The following ANO10 variants were observed in gnomAD, a reference collection of about 807,000 sequenced individuals.
ANO10 encodes anoctamin-10.
Under a neutral mutation model 74.7 loss-of-function variants are expected in ANO10, and 77 were observed. That is an observed-to-expected ratio of 1.03 (90% CI 0.86 to 1.25). The LOEUF (loss-of-function observed/expected upper bound fraction) is 1.25, where lower values mean the gene tolerates loss of function less well. Ranked by LOEUF, ANO10 falls within the 50% of genes most tolerant of loss-of-function variation. The pLI is 0.00. For synonymous variants in ANO10, 279 were observed against 284.9 expected, an observed-to-expected ratio of 0.98 and a Z score of 0.21; for missense variants, 721 against 778.1, an observed-to-expected ratio of 0.93 and a Z score of 0.87.
chr3:43,653,943 C>G (rs1404082975), intron 1 of ANO10, among the ~76,000 whole-genome samples: 1 of 123,562 alleles, frequency 8.1e-6, no homozygotes, highest in Admixed American at 8.2e-5. Context: ...TTTTTTTTTG[C>G]AACTTCTGGA....
At chr3:43,433,652 TA>T (rs1460316867) in intron 11 of ANO10, among the ~76,000 whole-genome samples, 1 of 152,198 alleles carries the variant, frequency 6.6e-6, no homozygotes, top group Non-Finnish European at 1.5e-5. Context: ...ACAAGCATCA[TA>T]AAGAAGTCCT....
At chr3:43,585,938 A>C (rs114162119) in intron 4 of ANO10, among the ~76,000 whole-genome samples, 2 of 152,376 alleles carry the variant, frequency 1.3e-5, no homozygotes, top group African/African-American at 4.8e-5. Flanking sequence ...AACAAGAAAC[A>C]TAAAAAGAAA....
rs936887940 is a variant in ANO10 at position 43,576,604 on chromosome 3, C to G, written c.1162+88G>C. 5.7e-6 allele frequency: 8 copies of G among 1,402,070 alleles called. No homozygotes were observed. In the African/African-American group the frequency reaches 9.9e-5, roughly 17 times the overall value. The allele number at this position is 1,402,070 out of a possible 1,614,324, so 86.9% of individuals were successfully genotyped here. ...GAGCCAAGAGCAACATCTATTTTCTCTGCAAGGTAGCAGCTATGTGAATCC... is the reference window on the plus strand; with the variant it reads ...GAGCCAAGAGCAACATCTATTTTCTGTGCAAGGTAGCAGCTATGTGAATCC... On this transcript the variant is annotated intron_variant, in intron 6 of 12. Transcript: ENST00000292246.
intron 12 of ANO10, among the ~76,000 whole-genome samples, chr3:43,417,679 T>C (rs1448105998): frequency 6.6e-6 from 1 of 152,218 alleles, no homozygotes; most frequent in Non-Finnish European, 1.5e-5. Context: ...AGTGCTTTTA[T>C]TTAAAGTCAA....
rs2075452284 is a variant in ANO10 at position 43,463,015 on chromosome 3, GA to G, written c.1798-30289del. On this transcript the variant is annotated intron_variant, in intron 11 of 12. Coordinates refer to ENST00000292246, the MANE Select transcript of ANO10 (RefSeq NM_018075.5). The stretch of plus-strand genomic sequence containing the variant: ...TTCAGAAGATCTATGGAAATGCCTC[GA>G]TGTCCAGGCAGAAGTTTGCTGCAGG... 5.3e-5 allele frequency among the ~76,000 whole-genome samples: 8 copies of G among 152,322 alleles called. No individual in the cohort carries two copies. The South Asian group carries it at 1.7e-3, about 32-fold the overall frequency.
intron 11 of ANO10, among the ~76,000 whole-genome samples, chr3:43,440,538 G>C (rs887376414): frequency 6.6e-6 from 1 of 152,098 alleles, no homozygotes; most frequent in Non-Finnish European, 1.5e-5. Context: ...TCTAACATCA[G>C]AGTAACCAAA....
Position 43,534,599 on chromosome 3 carries a change from C to T in ANO10, c.1797+15121G>A, listed in dbSNP as rs545855734. On this transcript the variant is annotated intron_variant, in intron 11 of 12. Coordinates refer to ENST00000292246, the MANE Select transcript of ANO10 (RefSeq NM_018075.5). Reference sequence around the variant, plus strand: ...TAATTCCCTGACTCAGACAACACTCCTGACAACACCAATACACAGAGCCAA... The same window carrying T: ...TAATTCCCTGACTCAGACAACACTCTTGACAACACCAATACACAGAGCCAA... Among the ~76,000 whole-genome samples, 120 of 152,290 alleles carry T rather than the reference C, an allele frequency of 7.9e-4. 1 individual carries two copies. Among genetic ancestry groups the T allele is most frequent in the African/African-American group, 1.3e-3 (54 of 41,558 alleles).
chr3:43,394,325 A>G (rs2092336284), intron 12 of ANO10, among the ~76,000 whole-genome samples: 1 of 152,098 alleles, frequency 6.6e-6, no homozygotes, highest in African/African-American at 2.4e-5. Context: ...CACCCCTTGA[A>G]AAGTCCAGCT....
intron 11 of ANO10, among the ~76,000 whole-genome samples, chr3:43,547,473 C>T (rs1028066529): frequency 2.0e-5 from 3 of 152,102 alleles, no homozygotes; most frequent in Admixed American, 6.6e-5. Context: ...CTGCAGGGAG[C>T]CTTCTTTGAT....
chr3:43,648,082 C>G (rs1360636647), intron 1 of ANO10, among the ~76,000 whole-genome samples: 1 of 152,198 alleles, frequency 6.6e-6, no homozygotes, highest in African/African-American at 2.4e-5. Context: ...GAGACCTTCT[C>G]TTACCTATCC....
intron 11 of ANO10, among the ~76,000 whole-genome samples, chr3:43,537,628 C>G (rs934464581): frequency 1.3e-4 from 20 of 151,516 alleles, no homozygotes; most frequent in African/African-American, 4.9e-4. Flanking sequence ...CACACACACA[C>G]ACACACACAC....
chr3:43,467,816 T>G (rs1184334234), intron 11 of ANO10, among the ~76,000 whole-genome samples: 1 of 152,228 alleles, frequency 6.6e-6, no homozygotes, highest in Non-Finnish European at 1.5e-5. Flanking sequence ...CTTCTAATTT[T>G]AACTGCAACA....
intron 11 of ANO10, among the ~76,000 whole-genome samples, chr3:43,439,313 A>G (rs2093123612): frequency 1.3e-5 from 2 of 151,372 alleles, no homozygotes; most frequent in Non-Finnish European, 1.5e-5. Context: ...TAGGAGAGAA[A>G]TAAAGACCTT....
At position 43,543,735 on chromosome 3, in the gene ANO10, A is replaced by G. The variant is rs151276155; in HGVS notation, c.1797+5985T>C. Among the ~76,000 whole-genome samples, 115 of 152,318 alleles carry G rather than the reference A, an allele frequency of 7.5e-4. 1 individual carries two copies. The highest frequency in any genetic ancestry group is 2.7e-3 in the African/African-American group (111 of 41,568). On this transcript the variant is annotated intron_variant, in intron 11 of 12. Transcript: ENST00000292246. ...CTGGCAGATGGAGAGGGGGTGCCAC[A>G]TGAAAACTTATTTTTTAAAAGAAAC...
rs2082751454 is a variant in ANO10 at position 43,610,207 on chromosome 3, C to T, written c.-11-4344G>A. Among the ~76,000 whole-genome samples the T allele has an allele frequency of 2.6e-5, 4 of 152,106 alleles. No homozygotes were observed. The South Asian group carries it at 8.3e-4, about 31-fold the overall frequency. ...TAGATCTACACAGGGTCAGGATCAT[C>T]AATATCACTGTCTTCCACCTCCACG... On this transcript the variant is annotated intron_variant, in intron 1 of 12. Coordinates refer to ENST00000292246, the MANE Select transcript of ANO10 (RefSeq NM_018075.5).
At chr3:43,458,022 T>C (rs1262381689) in intron 11 of ANO10, among the ~76,000 whole-genome samples, 1 of 152,254 alleles carries the variant, frequency 6.6e-6, no homozygotes, top group South Asian at 2.1e-4. Context: ...CTCCCTTTCA[T>C]TGAGTGACAC....
intron 8 of ANO10, among the ~76,000 whole-genome samples, chr3:43,564,855 TCCTCCTCCATTCC>T (rs559751449): frequency 3.5e-4 from 53 of 152,142 alleles, no homozygotes; most frequent in Middle Eastern, 3.2e-3. Flanking sequence ...TTTTAAGCGG[TCCTCCTCCATTCC>T]CCTATCTTCT....
chr3:43,589,756 T>C (rs138785961), intron 4 of ANO10, among the ~76,000 whole-genome samples: 5 of 152,268 alleles, frequency 3.3e-5, no homozygotes, highest in South Asian at 2.1e-4. Context: ...AATGAAAACA[T>C]TGAAGGAAAA....
intron 9 of ANO10, among the ~76,000 whole-genome samples, chr3:43,559,837 T>C (rs143969784): frequency 3.9e-5 from 6 of 152,148 alleles, no homozygotes; most frequent in Admixed American, 1.3e-4. Context: ...ACTCAACCAA[T>C]CCAGAAAGGA....
Sources: allele counts gnomAD v4.1 joint callset (sites outside exome capture counted in the v4.1 genomes callset), GRCh38; gene constraint gnomAD v4.1.1; transcripts MANE v1.5; gene names NCBI Gene and HGNC (gene_info 2026-07-23, HGNC 2026-07-21).